The following GLIS3 variants were observed in gnomAD, a reference collection of about 807,000 sequenced individuals.
The protein encoded by GLIS3 is GLIS family zinc finger 3, also known as zinc finger protein GLIS3.
GLIS3 carries 53 observed loss-of-function variants against 78.6 expected under a neutral mutation model. The observed-to-expected ratio is 0.67, with a 90% CI of 0.54 to 0.85. GLIS3 has a LOEUF of 0.85. GLIS3 is among the 40% of genes least tolerant of loss of function. The probability of loss-of-function intolerance (pLI) is 0.00; values close to 1 mark genes in which losing one functional copy is unlikely to be tolerated. For missense variants in GLIS3, 1,703 were observed against 1,231.1 expected (o/e 1.38, Z -5.74); for synonymous variants, 684 against 509.9 (o/e 1.34, Z -4.60).
intron 4 of GLIS3, among the ~76,000 whole-genome samples, chr9:3,955,759 G>C (rs1817058926): frequency 6.6e-6 from 1 of 152,100 alleles, no homozygotes; most frequent in African/African-American, 2.4e-5. Context: ...ATAAATTATA[G>C]TTAAGGATAG....
At chr9:4,182,449 C>T (rs1243837346) in intron 2 of GLIS3, among the ~76,000 whole-genome samples, 1 of 152,132 alleles carries the variant, frequency 6.6e-6, no homozygotes, top group African/African-American at 2.4e-5. Context: ...GTATAGAAAA[C>T]CTGAAACTTC....
At chr9:3,991,764 C>T (rs1481802644) in intron 4 of GLIS3, among the ~76,000 whole-genome samples, 1 of 142,328 alleles carries the variant, frequency 7.0e-6, no homozygotes, top group Non-Finnish European at 1.5e-5. Context: ...GATCTCGGCT[C>T]ACTGCAAGCT....
chr9:4,153,312 C>G lies in GLIS3; in HGVS notation c.389-27371G>C, dbSNP rs192995574. Among the ~76,000 whole-genome samples the G allele has an allele frequency of 2.6e-5, 4 of 152,126 alleles. No homozygotes were observed. In the South Asian group the frequency reaches 6.2e-4, roughly 24 times the overall value. ...TGCATGGTGGCTCACACCTGTAATC[C>G]CAGCACTTTGGGAGGCTGAGGCGGG... is the stretch of plus-strand genomic sequence containing the variant. On this transcript the variant is annotated intron_variant, in intron 2 of 10. Transcript: ENST00000381971.
chr9:4,248,542 A>G (rs535610349), intron 2 of GLIS3, among the ~76,000 whole-genome samples: 1 of 152,330 alleles, frequency 6.6e-6, no homozygotes, highest in South Asian at 2.1e-4. Flanking sequence ...TAGTGCTGCA[A>G]TAAATATATG....
At chr9:4,140,337 CA>C (rs1488210324) in intron 2 of GLIS3, among the ~76,000 whole-genome samples, 1 of 152,114 alleles carries the variant, frequency 6.6e-6, no homozygotes, top group East Asian at 1.9e-4. Context: ...AAAACAAAAA[CA>C]AAACAGAACA....
intron 2 of GLIS3, among the ~76,000 whole-genome samples, chr9:4,199,577 A>C (rs954549512): frequency 9.2e-5 from 14 of 151,598 alleles, no homozygotes; most frequent in African/African-American, 3.4e-4. Context: ...ATAAAAAAAA[A>C]AGTGGGGCTC....
Position 3,982,213 on chromosome 9 carries a change from G to GGTT in GLIS3, c.1711-45025_1711-45024insAAC, listed in dbSNP as rs796293700. Among the ~76,000 whole-genome samples the GGTT allele has an allele frequency of 7.9e-3, 1,151 of 146,452 alleles. 13 individuals are homozygous for GGTT. The highest frequency in any genetic ancestry group is 0.028 in the African/African-American group (1,122 of 40,266). ...CAGCAGGAGGTACCTTTACCTCTCTGTTTTTTTTTTTCCTACATAGCTACA... is the reference window on the plus strand; with the variant it reads ...CAGCAGGAGGTACCTTTACCTCTCTGGTTTTTTTTTTTTTCCTACATAGCTACA... On this transcript the variant is annotated intron_variant, in intron 4 of 10. Transcript: ENST00000381971.
the GLIS3 span, among the ~76,000 whole-genome samples, chr9:4,458,121 C>T: frequency 1.3e-5 from 2 of 152,050 alleles, no homozygotes; most frequent in Non-Finnish European, 2.9e-5. Flanking sequence ...ACTCATCTTC[C>T]CTACCTGATC....
At chr9:3,851,676 G>T (rs1399707757) in intron 9 of GLIS3, among the ~76,000 whole-genome samples, 3 of 128,396 alleles carry the variant, frequency 2.3e-5, no homozygotes, top group Non-Finnish European at 5.3e-5. Context: ...AAAACTTGAT[G>T]GATCTCATCT....
the GLIS3 span, among the ~76,000 whole-genome samples, chr9:4,482,538 G>A: frequency 6.6e-6 from 1 of 152,148 alleles, no homozygotes; most frequent in Non-Finnish European, 1.5e-5. Context: ...GGTACTCCAT[G>A]ACCTCCTCCT....
chr9:4,215,686 A>T (rs1246551181), intron 2 of GLIS3, among the ~76,000 whole-genome samples: 1 of 152,154 alleles, frequency 6.6e-6, no homozygotes, highest in Non-Finnish European at 1.5e-5. Context: ...CATTTCCAAT[A>T]CCTACTGAAA....
At chr9:4,384,466 G>A in the GLIS3 span, among the ~76,000 whole-genome samples, 20 of 151,766 alleles carry the variant, frequency 1.3e-4, no homozygotes, top group South Asian at 6.2e-4. Flanking sequence ...CAATGGCATT[G>A]AAATTGTTTC....
intron 2 of GLIS3, among the ~76,000 whole-genome samples, chr9:4,202,063 G>A (rs190173948): frequency 6.4e-4 from 97 of 152,112 alleles, no homozygotes; most frequent in Non-Finnish European, 1.0e-3. Context: ...GCTTGAACCC[G>A]GGAGACGGAG....
the GLIS3 span, among the ~76,000 whole-genome samples, chr9:4,412,178 C>A: frequency 6.6e-6 from 1 of 152,198 alleles, no homozygotes; most frequent in South Asian, 2.1e-4. Flanking sequence ...AGAAGGCATA[C>A]CTTCAGGCCT....
chr9:4,122,704 A>G (rs182928982), intron 3 of GLIS3, among the ~76,000 whole-genome samples: 71 of 152,356 alleles, frequency 4.7e-4, no homozygotes, highest in South Asian at 4.1e-4. Flanking sequence ...AAAACACTAG[A>G]AAAGCTAAGT....
At chr9:4,301,167 G>A (rs10115301), upstream of GLIS3, among the ~76,000 whole-genome samples, 7,134 of 151,762 alleles carry the variant, frequency 0.047, 524 homozygotes, top group African/African-American at 0.16. Context: ...ACCAAAAGAA[G>A]CCTGGTTTCC....
At chr9:4,242,476 C>G (rs1481014696) in intron 2 of GLIS3, among the ~76,000 whole-genome samples, 1 of 152,140 alleles carries the variant, frequency 6.6e-6, no homozygotes, top group African/African-American at 2.4e-5. Flanking sequence ...TTCCAAAGCC[C>G]CACGTTCCAC....
chr9:4,285,983 T>A, intron 2 of GLIS3, 55 bp downstream of exon 2: 1 of 1,600,832 alleles, frequency 6.2e-7, no homozygotes, highest in Non-Finnish European at 8.6e-7. Context: ...GAAAATGGGA[T>A]GGGGGAGAAA....
intron 4 of GLIS3, among the ~76,000 whole-genome samples, chr9:4,048,353 G>A (rs1825425007): frequency 6.6e-6 from 1 of 152,122 alleles, no homozygotes; most frequent in African/African-American, 2.4e-5. Context: ...CACACTGTAA[G>A]GGATCCTGCT....
Sources: allele counts gnomAD v4.1 joint callset (sites outside exome capture counted in the v4.1 genomes callset), GRCh38; gene constraint gnomAD v4.1.1; transcripts MANE v1.5; gene names NCBI Gene and HGNC (gene_info 2026-07-23, HGNC 2026-07-21).